The following CEMIP2 variants were observed in gnomAD, a reference collection of about 807,000 sequenced individuals.
CEMIP2 encodes the protein cell surface hyaluronidase CEMIP2.
In CEMIP2, 79 loss-of-function variants were observed where a neutral mutation model predicts 146.9. That is an observed-to-expected ratio of 0.54 (90% confidence interval 0.45 to 0.65). The LOEUF (loss-of-function observed/expected upper bound fraction) is 0.65, where lower values mean the gene tolerates loss of function less well. CEMIP2 is among the 30% of genes least tolerant of loss of function. The probability of loss-of-function intolerance (pLI) is 0.00; values close to 1 mark genes in which losing one functional copy is unlikely to be tolerated. For synonymous variants in CEMIP2, 601 were observed against 606.3 expected (o/e 0.99, Z 0.13); for missense variants, 1,596 against 1,696.2 (o/e 0.94, Z 1.04).
rs1554678969 is a variant in CEMIP2 at position 71,685,410 on chromosome 9, A to AAG, written c.3956-18_3956-17insCT. On this transcript the variant is annotated splice_polypyrimidine_tract_variant and intron_variant, in intron 23 of 23. Coordinates refer to ENST00000377044, the MANE Select transcript of CEMIP2 (RefSeq NM_013390.3). ...TGGTACTCCCTAAAAAAAAAAAAAA[A>AAG]AAAGAAAAAGAAAAAAAATCAATTT... 30 of 1,482,636 alleles carry AAG rather than the reference A, an allele frequency of 2.0e-5. No individual in the cohort carries two copies. The highest frequency in any genetic ancestry group is 1.5e-4 in the African/African-American group (10 of 68,592). The allele number at this position is 1,482,636 out of a possible 1,614,324, so 91.8% of individuals were successfully genotyped here.
Position 71,712,084 on chromosome 9 carries a change from T to A in CEMIP2, c.2768A>T (p.His923Leu), listed in dbSNP as rs776058546. The part of the protein sequence containing the change: ...NNISLVKFGP[H>L]VSLNVFFGKP... Reference sequence around the variant, plus strand: ...GTAAGAACTACAGAACATACTTACATGTGGACCAAACTTCACGAGGGAGAT... The same window carrying A: ...GTAAGAACTACAGAACATACTTACAAGTGGACCAAACTTCACGAGGGAGAT... The change falls in exon 16 of 24, where the codon CAT (histidine) becomes CTT (leucine). Residue 923 changes from histidine to leucine, a missense_variant and splice_region_variant. Coordinates refer to ENST00000377044, the MANE Select transcript of CEMIP2 (RefSeq NM_013390.3). 6.2e-7 allele frequency: 1 copy of A among 1,613,978 alleles called. No homozygotes were observed. Among genetic ancestry groups the A allele is most frequent in the Admixed American group, 1.7e-5 (1 of 60,000 alleles).
chr9:71,749,801 A>G (rs72737998), intron 2 of CEMIP2, among the ~76,000 whole-genome samples: 10,715 of 152,214 alleles, frequency 0.07, 511 homozygotes, highest in South Asian at 0.19. Flanking sequence ...CAAAAGAGGT[A>G]CTCCAAGACC....
rs912089172 is a variant in CEMIP2 at position 71,768,449 on chromosome 9, T to G, written c.-105A>C. The G allele has an allele frequency of 3.3e-5, 5 of 152,154 alleles. No individual in the cohort carries two copies. Among genetic ancestry groups the G allele is most frequent in the African/African-American group, 1.2e-4 (5 of 41,382 alleles). The allele number at this position is 152,154 out of a possible 1,614,324, so 9.4% of individuals were successfully genotyped here. On this transcript the variant is annotated 5_prime_UTR_variant, in exon 1 of 24. Transcript: ENST00000377044. ...AGTCCCTGGCGTCCTCGGGTCCAGA[T>G]CTCCTCTCCATGGCCAGGAAGCCAC... is the stretch of plus-strand genomic sequence containing the variant.
chr9:71,699,292 A>T, intron 19 of CEMIP2: 1 of 309,906 alleles, frequency 3.2e-6, no homozygotes. Context: ...GTTTAAGTCT[A>T]AACAAAAATT....
At chr9:71,705,775 A>G (rs948170351) in intron 17 of CEMIP2, among the ~76,000 whole-genome samples, 6 of 150,490 alleles carry the variant, frequency 4.0e-5, no homozygotes, top group South Asian at 4.2e-4. Context: ...ATTTATGTAT[A>G]TGTATATTTA....
intron 18 of CEMIP2, among the ~76,000 whole-genome samples, chr9:71,702,261 GA>G (rs67059194): frequency 0.036 from 3,811 of 106,094 alleles, 158 homozygotes; most frequent in African/African-American, 0.12. Context: ...TTGTCTCAAG[GA>G]AAAAAAAAAA....
rs146377653 is a variant in CEMIP2, at chr9:71,700,729, T to A, written c.3290A>T (p.Lys1097Ile). 151 of 1,614,026 alleles carry A rather than the reference T, an allele frequency of 9.4e-5. No individual in the cohort carries two copies. In the East Asian group the frequency reaches 2.8e-3, roughly 30 times the overall value. ...ATGCACAGGCTCATATTCTTCGATT[T>A]TGGATAATGAGCCATTCTGCCGCTG... is the stretch of plus-strand genomic sequence containing the variant. Reference protein sequence around the residue: ...YLQRQNGSLSKIEEYEPVHSL... With the variant: ...YLQRQNGSLSIIEEYEPVHSL... The change falls in exon 19 of 24, where the codon AAA becomes ATA. Residue 1097 changes from lysine to isoleucine, a missense_variant. Transcript: ENST00000377044.
At chr9:71,738,836 C>CAAA (rs575313448) in intron 5 of CEMIP2, among the ~76,000 whole-genome samples, 10,537 of 145,386 alleles carry the variant, frequency 0.072, 508 homozygotes, top group South Asian at 0.2. Flanking sequence ...GACTCCGTCT[C>CAAA]AAAAAAAAAA....
At chr9:71,721,585 T>G (rs540723476) in intron 12 of CEMIP2, among the ~76,000 whole-genome samples, 9 of 152,338 alleles carry the variant, frequency 5.9e-5, no homozygotes, top group Admixed American at 3.9e-4. Context: ...TGCCTCACCC[T>G]GAAGTCAGGC....
intron 23 of CEMIP2, 58 bp downstream of exon 23, chr9:71,685,685 T>C (rs1822039459): frequency 2.8e-6 from 4 of 1,427,698 alleles, no homozygotes; most frequent in Non-Finnish European, 3.9e-6. Flanking sequence ...AATTGCACCA[T>C]AAAATTACCT....
chr9:71,739,112 T>C (rs958567192), intron 5 of CEMIP2, among the ~76,000 whole-genome samples: 8 of 151,848 alleles, frequency 5.3e-5, no homozygotes, highest in Admixed American at 1.3e-4. Flanking sequence ...ACATGAGACA[T>C]GAACAATATC....
rs1476172315 is a variant in CEMIP2, at chr9:71,685,794, G to A, written c.3904C>T (p.His1302Tyr). 1.3e-5 allele frequency: 21 copies of A among 1,614,058 alleles called. No homozygotes were observed. The highest frequency in any genetic ancestry group is 3.3e-4 in the Middle Eastern group (2 of 6,062). Reference sequence around the variant, plus strand: ...GCTAATCCCAGAGGTACTAGTAAGTGTGAAATGTTTAACTGCTTTATTTCT... The same window carrying A: ...GCTAATCCCAGAGGTACTAGTAAGTATGAAATGTTTAACTGCTTTATTTCT... ...RGEIKQLNIS[H>Y]LLVPLGLAKP... The change falls in exon 23 of 24, where the codon CAC becomes TAC. Residue 1302 changes from histidine (H) to tyrosine (Y), a missense_variant. By Grantham distance (83) the His-to-Tyr change is moderately conservative. Transcript: ENST00000377044.
chr9:71,725,856 T>C (rs11142976), intron 10 of CEMIP2, 147 bp from the exon 11 acceptor site: 545,821 of 851,654 alleles, frequency 0.64, 182,811 homozygotes, highest in Non-Finnish European at 0.69. Context: ...CAATAAAAAG[T>C]TGTACACACG....
chr9:71,728,249 ATGT>A lies in CEMIP2; in HGVS notation c.2049+1593_2049+1595del, dbSNP rs1823466335. ...TCTCTCTCTATATATATATATATAT[ATGT>A]ATATACACGTATATATATATATATA... On this transcript the variant is annotated intron_variant, in intron 10 of 23. Coordinates refer to ENST00000377044, the MANE Select transcript of CEMIP2 (RefSeq NM_013390.3). Among the ~76,000 whole-genome samples the A allele has an allele frequency of 1.0e-4, 4 of 40,182 alleles. 1 individual carries two copies. The Admixed American group carries it at 1.2e-3, about 12-fold the overall frequency. 26.4% of individuals were successfully genotyped at this position (40,182 alleles called of 152,430 possible).
intron 11 of CEMIP2, among the ~76,000 whole-genome samples, chr9:71,724,745 T>C (rs62547002): frequency 0.057 from 8,609 of 152,252 alleles, 363 homozygotes; most frequent in Non-Finnish European, 0.082. Flanking sequence ...ATTAGGTCAA[T>C]TATTCTTAAG....
intron 4 of CEMIP2, among the ~76,000 whole-genome samples, chr9:71,741,865 C>T (rs1476503730): frequency 1.3e-5 from 2 of 151,782 alleles, no homozygotes; most frequent in East Asian, 1.9e-4. Flanking sequence ...AAGCTGGTCT[C>T]GCACTCCTGC....
chr9:71,740,039 A>G (rs767494000), intron 5 of CEMIP2, 24 bp downstream of exon 5: 4 of 1,603,322 alleles, frequency 2.5e-6, no homozygotes, highest in Admixed American at 3.5e-5. Context: ...GTGTCTTACA[A>G]GAGTATAAAC....
intron 3 of CEMIP2, 139 bp downstream of exon 3, chr9:71,746,062 T>C: frequency 4.1e-6 from 4 of 974,612 alleles, no homozygotes; most frequent in Non-Finnish European, 5.9e-6. Flanking sequence ...TCATGATCTT[T>C]CCAAATCTCC....
At chr9:71,764,593 T>C (rs1413068370) in intron 1 of CEMIP2, among the ~76,000 whole-genome samples, 3 of 152,140 alleles carry the variant, frequency 2.0e-5, no homozygotes, top group Non-Finnish European at 4.4e-5. Flanking sequence ...TCAGCATATG[T>C]AGCAGTGTCT....
Sources: allele counts gnomAD v4.1 joint callset (sites outside exome capture counted in the v4.1 genomes callset), GRCh38; gene constraint gnomAD v4.1.1; transcripts MANE v1.5; gene names NCBI Gene and HGNC (gene_info 2026-07-23, HGNC 2026-07-21).